The following SETBP1 variants were observed in gnomAD, a reference collection of about 807,000 sequenced individuals.
SETBP1 encodes SET-binding protein.
Under a neutral mutation model 101.0 loss-of-function variants are expected in SETBP1, and 9 were observed. The ratio of observed to expected loss-of-function variants is 0.09; its 90% CI spans 0.05 to 0.16. The LOEUF (loss-of-function observed/expected upper bound fraction) is 0.16. Ranked by LOEUF, SETBP1 falls within the 10% of genes least tolerant of loss-of-function variation. The probability of loss-of-function intolerance (pLI) is 1.00; values close to 1 mark genes in which losing one functional copy is unlikely to be tolerated. For synonymous variants in SETBP1, 818 were observed against 788.5 expected (o/e 1.04, Z -0.63); for missense variants, 1,858 against 2,033.8 (o/e 0.91, Z 1.66).
At chr18:44,983,003 G>A (rs1271615239) in intron 4 of SETBP1, among the ~76,000 whole-genome samples, 1 of 152,120 alleles carries the variant, frequency 6.6e-6, no homozygotes, top group Non-Finnish European at 1.5e-5. Context: ...TATGGTATGT[G>A]GGCCCCCTGA....
intron 3 of SETBP1, among the ~76,000 whole-genome samples, chr18:44,933,707 C>G (rs1396885523): frequency 6.6e-6 from 1 of 152,214 alleles, no homozygotes; most frequent in African/African-American, 2.4e-5. Flanking sequence ...GACTGTTGTG[C>G]TAGCAGTGAG....
At chr18:45,045,010 G>A (rs564505760) in intron 5 of SETBP1, among the ~76,000 whole-genome samples, 1 of 152,270 alleles carries the variant, frequency 6.6e-6, no homozygotes, top group South Asian at 2.1e-4. Context: ...TTGGCCAGGT[G>A]CGGTGGCTTA....
intron 4 of SETBP1, among the ~76,000 whole-genome samples, chr18:44,958,776 A>G (rs879794364): frequency 5.3e-5 from 8 of 152,140 alleles, no homozygotes; most frequent in Admixed American, 5.2e-4. Flanking sequence ...TTTGACAATC[A>G]TTTGGTTTCC....
chr18:44,823,029 G>A (rs1401155619), intron 2 of SETBP1, among the ~76,000 whole-genome samples: 1 of 152,178 alleles, frequency 6.6e-6, no homozygotes, highest in Non-Finnish European at 1.5e-5. Flanking sequence ...TACTCAGGAG[G>A]CTGAGGCAGG....
At chr18:44,911,191 C>G (rs531044045) in intron 3 of SETBP1, among the ~76,000 whole-genome samples, 58 of 151,998 alleles carry the variant, frequency 3.8e-4, no homozygotes, top group Non-Finnish European at 7.6e-4. Flanking sequence ...ATATGATTAC[C>G]CTCATTTTCT....
chr18:44,910,407 G>C (rs1485842771), intron 3 of SETBP1, among the ~76,000 whole-genome samples: 1 of 152,176 alleles, frequency 6.6e-6, no homozygotes, highest in Admixed American at 6.5e-5. Flanking sequence ...GGATTGACCT[G>C]ATTTTCCAAA....
chr18:44,754,855 G>A (rs1341206796), intron 2 of SETBP1, among the ~76,000 whole-genome samples: 4 of 152,194 alleles, frequency 2.6e-5, no homozygotes, highest in Non-Finnish European at 5.9e-5. Flanking sequence ...TCTCAGGAAT[G>A]AGTCTGGAAT....
At chr18:44,898,009 G>A (rs150992218) in intron 3 of SETBP1, among the ~76,000 whole-genome samples, 2 of 152,284 alleles carry the variant, frequency 1.3e-5, no homozygotes, top group East Asian at 3.9e-4. Context: ...AAAGGTAGGT[G>A]TGTATGGTAA....
chr18:45,014,600 G>A (rs1027077529), intron 4 of SETBP1, among the ~76,000 whole-genome samples: 1 of 152,136 alleles, frequency 6.6e-6, no homozygotes. Flanking sequence ...CAAAAACATC[G>A]AGGGAACTCA....
At position 44,957,620 on chromosome 18, in the gene SETBP1, C is replaced by G. The variant is rs371248937; in HGVS notation, c.4000+4280C>G. ...TTGTAGCTTCTTTCTTGCCCTTTGCCAACTCCTCTTATCAGCACTGTGGAA... is the reference window on the plus strand; with the variant it reads ...TTGTAGCTTCTTTCTTGCCCTTTGCGAACTCCTCTTATCAGCACTGTGGAA... On this transcript the variant is annotated intron_variant, in intron 4 of 5. Transcript: ENST00000649279. 6.6e-5 allele frequency among the ~76,000 whole-genome samples: 10 copies of G among 152,222 alleles called. No homozygotes were observed. The South Asian group carries it at 1.2e-3, about 19-fold the overall frequency.
At chr18:44,985,319 TA>T (rs2072208582) in intron 4 of SETBP1, among the ~76,000 whole-genome samples, 1 of 152,234 alleles carries the variant, frequency 6.6e-6, no homozygotes, top group Non-Finnish European at 1.5e-5. Flanking sequence ...CAGTAGGTAC[TA>T]TTGTTTCCAT....
chr18:44,724,047 T>C (rs961912374), intron 2 of SETBP1, among the ~76,000 whole-genome samples: 1 of 152,154 alleles, frequency 6.6e-6, no homozygotes, highest in Admixed American at 6.5e-5. Flanking sequence ...GAAAAAGTCC[T>C]GAAATATTCC....
At chr18:45,032,227 C>G (rs1002969113) in intron 4 of SETBP1, among the ~76,000 whole-genome samples, 3 of 152,104 alleles carry the variant, frequency 2.0e-5, no homozygotes, top group Non-Finnish European at 4.4e-5. Flanking sequence ...ACCTCAGATC[C>G]CACTGAGATC....
chr18:44,711,382 CCTTCT>C (rs2069337486), intron 2 of SETBP1, among the ~76,000 whole-genome samples: 1 of 147,704 alleles, frequency 6.8e-6, no homozygotes, highest in South Asian at 2.2e-4. Context: ...TTCCTTCCTT[CCTTCT>C]TTTCCTTCCT....
At chr18:44,709,054 T>C (rs1157364026) in intron 2 of SETBP1, among the ~76,000 whole-genome samples, 1 of 152,214 alleles carries the variant, frequency 6.6e-6, no homozygotes, top group East Asian at 1.9e-4. Context: ...TAAATATATT[T>C]TGGGAATATT....
intron 2 of SETBP1, among the ~76,000 whole-genome samples, chr18:44,718,408 T>A (rs2069512703): frequency 6.6e-6 from 1 of 152,032 alleles, no homozygotes; most frequent in South Asian, 2.1e-4. Flanking sequence ...GCGGGAGAAG[T>A]GTCAAAAACA....
intron 2 of SETBP1, among the ~76,000 whole-genome samples, chr18:44,769,109 G>T (rs997476507): frequency 6.6e-6 from 1 of 152,172 alleles, no homozygotes; most frequent in African/African-American, 2.4e-5. Flanking sequence ...GAGGGTGCTG[G>T]GGCTTGCTTT....
chr18:45,024,854 C>T (rs1321582332), intron 4 of SETBP1, among the ~76,000 whole-genome samples: 2 of 152,180 alleles, frequency 1.3e-5, no homozygotes, highest in African/African-American at 4.8e-5. Context: ...ATGCATTTAA[C>T]CTCATTAGTT....
intron 1 of SETBP1, among the ~76,000 whole-genome samples, chr18:44,700,808 C>T (rs778221560): frequency 6.6e-6 from 1 of 152,094 alleles, no homozygotes; most frequent in Admixed American, 6.5e-5. Flanking sequence ...CAGACCTGAG[C>T]CTCAACACTT....
Sources: gnomAD v4.1 joint callset for allele counts (sites outside exome capture counted in the v4.1 genomes callset) on GRCh38, gnomAD v4.1.1 for gene constraint, MANE v1.5 for transcripts, NCBI Gene and HGNC (gene_info 2026-07-23, HGNC 2026-07-21) for gene names.